SCN4A: variants seen among roughly 807,000 people sequenced by gnomAD.
SCN4A encodes the protein sodium voltage-gated channel alpha subunit 4, also known as sodium channel protein type 4 subunit alpha.
SCN4A carries 83 observed loss-of-function variants against 162.0 expected under a neutral mutation model. That is an observed-to-expected ratio of 0.51 (90% CI 0.43 to 0.61). The LOEUF (loss-of-function observed/expected upper bound fraction) is 0.61. Ranked by LOEUF, SCN4A falls within the 20% of genes least tolerant of loss-of-function variation. SCN4A has a pLI of 0.00. For missense variants in SCN4A, 2,196 were observed against 2,462.5 expected (o/e 0.89, Z 2.29); for synonymous variants, 944 against 985.1 (o/e 0.96, Z 0.78).
At chr17:63,954,517 G>C (rs1053127498) in intron 13 of SCN4A, among the ~76,000 whole-genome samples, 1 of 152,118 alleles carries the variant, frequency 6.6e-6, no homozygotes, top group African/African-American at 2.4e-5. Context: ...GGAGGGGGCC[G>C]ACATCAATTT....
chr17:63,946,421 T>G (rs1361506975), intron 18 of SCN4A, among the ~76,000 whole-genome samples: 1 of 146,876 alleles, frequency 6.8e-6, no homozygotes, highest in Non-Finnish European at 1.5e-5. Context: ...CAGGTCTTGC[T>G]CCCAGCAGAT....
chr17:63,961,467 T>C, intron 10 of SCN4A, 36 bp from the exon 11 acceptor site: 1 of 1,482,352 alleles, frequency 6.7e-7, no homozygotes, highest in Non-Finnish European at 9.4e-7. Flanking sequence ...CTGGTGAGGA[T>C]TATCCCCTCA....
intron 12 of SCN4A, among the ~76,000 whole-genome samples, chr17:63,958,247 G>A (rs1271778069): frequency 6.6e-6 from 1 of 151,486 alleles, no homozygotes. Context: ...TCCCACCTAT[G>A]CAGGAGGCTG....
chr17:63,965,303 C>T (rs1348798542), intron 8 of SCN4A, among the ~76,000 whole-genome samples: 6 of 152,126 alleles, frequency 3.9e-5, no homozygotes, highest in Admixed American at 3.9e-4. Flanking sequence ...CTCGGCCTCC[C>T]ATAGTGCTAG....
Position 63,949,624 on chromosome 17 carries a change from G to C in SCN4A, c.2854-96C>G, listed in dbSNP as rs41280100. The C allele has an allele frequency of 5.1e-3, 7,041 of 1,385,788 alleles. 31 individuals are homozygous for C. Among genetic ancestry groups the C allele is most frequent in the Non-Finnish European group, 6.2e-3 (6,401 of 1,028,040 alleles). The allele number at this position is 1,385,788 out of a possible 1,614,324, so 85.8% of individuals were successfully genotyped here. On this transcript the variant is annotated intron_variant, in intron 14 of 23. Coordinates refer to ENST00000435607, the MANE Select transcript of SCN4A (RefSeq NM_000334.4). ...CAGGATGGGAGACCAGAAGGGAAGGGAAGAAGAGAGGGAGGAGCAAACTCA... is the reference window on the plus strand; with the variant it reads ...CAGGATGGGAGACCAGAAGGGAAGGCAAGAAGAGAGGGAGGAGCAAACTCA...
chr17:63,970,934 G>C (rs1909590667), intron 5 of SCN4A, among the ~76,000 whole-genome samples: 1 of 152,178 alleles, frequency 6.6e-6, no homozygotes, highest in African/African-American at 2.4e-5. Context: ...ATGCCCAGCT[G>C]AGTCTGTGCT....
chr17:63,963,138 G>A (rs1909321241), intron 10 of SCN4A, among the ~76,000 whole-genome samples: 3 of 151,840 alleles, frequency 2.0e-5, no homozygotes, highest in South Asian at 2.1e-4. Flanking sequence ...CTGTCGTGTC[G>A]TGTCTATTCA....
chr17:63,952,348 C>G (rs142105496), intron 13 of SCN4A, among the ~76,000 whole-genome samples: 1,758 of 152,012 alleles, frequency 0.012, 28 homozygotes, highest in African/African-American at 0.041. Context: ...TTTGTAGAGA[C>G]GGGGTTTCAA....
chr17:63,947,979 TGAA>T lies in SCN4A; in HGVS notation c.3226_3228del (p.Phe1076del). 3.1e-6 allele frequency: 5 copies of T among 1,614,012 alleles called. No individual in the cohort carries two copies. The highest frequency in any genetic ancestry group is 4.2e-6 in the Non-Finnish European group (5 of 1,179,914). Reference sequence around the variant, plus strand: ...ACCCATTTGAGCAGCATCTCCATGATGAAGATGTAGGTGAAGACCTTGTCGGCA... The same window carrying T: ...ACCCATTTGAGCAGCATCTCCATGATGATGTAGGTGAAGACCTTGTCGGCA... On this transcript the variant is annotated inframe_deletion, in exon 17 of 24. Transcript: ENST00000435607.
At position 63,944,578 on chromosome 17, in the gene SCN4A, G is replaced by A; in HGVS notation, c.3912+95C>T. Reference sequence around the variant, plus strand: ...AACCAACAACCTGGTAGGTGCTCAGGCAGCGTTTGTGGGTTTGTGCAATGG... The same window carrying A: ...AACCAACAACCTGGTAGGTGCTCAGACAGCGTTTGTGGGTTTGTGCAATGG... On this transcript the variant is annotated intron_variant, in intron 21 of 23. Transcript: ENST00000435607. This position sits in a 1 kb window ranked among gnomAD's most constrained non-coding sequence, Gnocchi z 4.3. 7.3e-7 allele frequency: 1 copy of A among 1,379,224 alleles called. No homozygotes were observed. Among genetic ancestry groups the A allele is most frequent in the Non-Finnish European group, 9.9e-7 (1 of 1,011,374 alleles). The allele number at this position is 1,379,224 out of a possible 1,614,324, so 85.4% of individuals were successfully genotyped here.
At position 63,968,315 on chromosome 17, in the gene SCN4A, T is replaced by C. The variant is rs1047702; in HGVS notation, c.744A>G (p.Lys248=). 1 of 1,609,218 alleles carries C rather than the reference T, an allele frequency of 6.2e-7. No individual in the cohort carries two copies. Among genetic ancestry groups the C allele is most frequent in the Non-Finnish European group, 8.5e-7 (1 of 1,176,200 alleles). The change falls in exon 6 of 24, where the codon AAA becomes AAG. Residue 248 remains lysine, a synonymous_variant. Coordinates refer to ENST00000435607, the MANE Select transcript of SCN4A (RefSeq NM_000334.4). ...TGAGGATCATCACATCCGACAGCTT[T>C]TTCACCGACTGGATCAGGGCCCCCA... The part of the protein sequence containing the change: ...TIVGALIQSV[K]KLSDVMILTV...
At chr17:63,971,618 C>A (rs1005259497) in intron 4 of SCN4A, 104 bp downstream of exon 4, 14 of 1,056,372 alleles carry the variant, frequency 1.3e-5, no homozygotes, top group African/African-American at 3.2e-5. Flanking sequence ...GCACAACTGA[C>A]CGATGTCCCC....
intron 18 of SCN4A, 94 bp downstream of exon 18, chr17:63,946,950 TG>T: frequency 1.6e-6 from 2 of 1,214,360 alleles, no homozygotes; most frequent in Non-Finnish European, 1.2e-6. Flanking sequence ...TTCCCTCTGG[TG>T]GTGGTTGGAG....
At chr17:63,956,704 G>T (rs1909080093) in intron 13 of SCN4A, among the ~76,000 whole-genome samples, 1 of 152,208 alleles carries the variant, frequency 6.6e-6, no homozygotes, top group African/African-American at 2.4e-5. Flanking sequence ...CTATGTGAGG[G>T]TTAGAGAACC....
At chr17:63,955,480 C>T (rs1909046186) in intron 13 of SCN4A, among the ~76,000 whole-genome samples, 1 of 152,170 alleles carries the variant, frequency 6.6e-6, no homozygotes, top group South Asian at 2.1e-4. Flanking sequence ...AAGAGTCATC[C>T]CCATTTTCAT....
Position 63,941,402 on chromosome 17 carries a change from A to C in SCN4A, c.4880T>G (p.Phe1627Cys). 1 of 1,613,932 alleles carries C rather than the reference A, an allele frequency of 6.2e-7. No individual in the cohort carries two copies. The highest frequency in any genetic ancestry group is 8.5e-7 in the Non-Finnish European group (1 of 1,179,940). ...GATGAACTGGGTGGCGTCGGGGTCG[A>C]ACTTCTCCCATGTCTCGTAGAACAT... ...FEMFYETWEK[F>C]DPDATQFIAY... Residue 1627 changes from phenylalanine to cysteine, a missense_variant, in exon 24 of 24, where the codon TTC becomes TGC. Physicochemically the swap from Phe to Cys is radical, Grantham distance 205 (BLOSUM62 -2). Coordinates refer to ENST00000435607, the MANE Select transcript of SCN4A (RefSeq NM_000334.4). The surrounding 1 kb of genome is among the most constrained non-coding windows in gnomAD (Gnocchi z 6.2).
intron 11 of SCN4A, among the ~76,000 whole-genome samples, chr17:63,960,945 GA>G: frequency 6.6e-6 from 1 of 151,590 alleles, no homozygotes; most frequent in East Asian, 1.9e-4. Flanking sequence ...TGGACCTTAG[GA>G]AGCCCAGCGC....
intron 12 of SCN4A, among the ~76,000 whole-genome samples, chr17:63,958,560 T>C (rs1232861814): frequency 6.6e-6 from 1 of 152,172 alleles, no homozygotes; most frequent in East Asian, 1.9e-4. Flanking sequence ...TTTGTTGTTG[T>C]TGTTTTTTTT....
intron 13 of SCN4A, among the ~76,000 whole-genome samples, chr17:63,952,215 A>G (rs2144787662): frequency 6.8e-6 from 1 of 146,204 alleles, no homozygotes; most frequent in Middle Eastern, 3.6e-3. Flanking sequence ...TTTTTTCGAG[A>G]TGGAGGAGTC....
Sources: gnomAD v4.1 joint callset for allele counts (sites outside exome capture counted in the v4.1 genomes callset) on GRCh38, gnomAD v4.1.1 for gene constraint, Gnocchi (gnomAD v3.1) non-coding constraint, MANE v1.5 for transcripts, NCBI Gene and HGNC (gene_info 2026-07-23, HGNC 2026-07-21) for gene names.